Variants in KCNH8 observed in about 807,000 individuals in gnomAD.
The protein encoded by KCNH8 is potassium voltage-gated channel subfamily H member 8.
In KCNH8, 70 loss-of-function variants were observed where a neutral mutation model predicts 103.6. The ratio of observed to expected loss-of-function variants is 0.68; its 90% CI spans 0.56 to 0.82. KCNH8 has a LOEUF of 0.82. KCNH8 is among the 40% of genes least tolerant of loss of function. The pLI is 0.00. For missense variants in KCNH8, 1,217 were observed against 1,329.9 expected (o/e 0.92, Z 1.32); for synonymous variants, 498 against 489.4 (o/e 1.02, Z -0.23).
chr3:19,202,083 TGA>T lies in KCNH8; in HGVS notation c.77-51569_77-51568del, dbSNP rs1054442023. 2.0e-5 allele frequency among the ~76,000 whole-genome samples: 3 copies of T among 152,228 alleles called. No homozygotes were observed. The East Asian group carries it at 5.8e-4, about 29-fold the overall frequency. On this transcript the variant is annotated intron_variant, in intron 1 of 15. Coordinates refer to ENST00000328405, the MANE Select transcript of KCNH8 (RefSeq NM_144633.3). ...AATGTATTTGCAGCACCAAATTCGT[TGA>T]GTTAGGAGAGTTGGGTTTAAAAATG...
chr3:19,328,635 A>G (rs1422039031), intron 3 of KCNH8, among the ~76,000 whole-genome samples: 1 of 152,174 alleles, frequency 6.6e-6, no homozygotes, highest in African/African-American at 2.4e-5. Flanking sequence ...AAAATATATA[A>G]ATAGAAAGTA....
At position 19,202,102 on chromosome 3, in the gene KCNH8, T is replaced by A. The variant is rs558302828; in HGVS notation, c.77-51552T>A. 2.6e-5 allele frequency among the ~76,000 whole-genome samples: 4 copies of A among 152,228 alleles called. No individual in the cohort carries two copies. The South Asian group carries it at 8.3e-4, about 32-fold the overall frequency. On this transcript the variant is annotated intron_variant, in intron 1 of 15. Coordinates refer to ENST00000328405, the MANE Select transcript of KCNH8 (RefSeq NM_144633.3). The stretch of plus-strand genomic sequence containing the variant: ...ATTCGTTGAGTTAGGAGAGTTGGGT[T>A]TAAAAATGTCCCTCTTAAGTTAGGG...
intron 11 of KCNH8, among the ~76,000 whole-genome samples, chr3:19,476,025 AAT>A (rs2067967384): frequency 6.6e-6 from 1 of 152,158 alleles, no homozygotes. Flanking sequence ...CTCACCTGAA[AAT>A]GACTATTTGG....
rs115151001 is a variant in KCNH8, at chr3:19,213,103, A to G, written c.77-40551A>G. On this transcript the variant is annotated intron_variant, in intron 1 of 15. Transcript: ENST00000328405. ...ATCATAGACTCCTTCTTTGCACCCA[A>G]TGTAGGAATCTCTACAGCATCCTTT... 2.2e-3 allele frequency among the ~76,000 whole-genome samples: 337 copies of G among 152,298 alleles called. 1 individual carries two copies. The highest frequency in any genetic ancestry group is 0.011 in the South Asian group (53 of 4,826).
rs755992231 is a variant in KCNH8 at position 19,513,341 on chromosome 3, A to G, written c.2435+16A>G. The G allele has an allele frequency of 1.9e-6, 3 of 1,562,682 alleles. No individual in the cohort carries two copies. Among genetic ancestry groups the G allele is most frequent in the Non-Finnish European group, 2.6e-6 (3 of 1,158,380 alleles). Reference sequence around the variant, plus strand: ...TCAGTCCAAGGTAAGAGTTCATATCATATAACTTTCTCACGTGAACGTGGC... The same window carrying G: ...TCAGTCCAAGGTAAGAGTTCATATCGTATAACTTTCTCACGTGAACGTGGC... On this transcript the variant is annotated intron_variant, in intron 13 of 15. Coordinates refer to ENST00000328405, the MANE Select transcript of KCNH8 (RefSeq NM_144633.3).
At chr3:19,428,886 C>T (rs1338406708) in intron 7 of KCNH8, among the ~76,000 whole-genome samples, 1 of 152,166 alleles carries the variant, frequency 6.6e-6, no homozygotes, top group East Asian at 1.9e-4. Context: ...TGTTTCTCTT[C>T]TGCATTTCGC....
intron 5 of KCNH8, among the ~76,000 whole-genome samples, chr3:19,377,411 T>C (rs571251532): frequency 3.5e-4 from 53 of 152,278 alleles, no homozygotes; most frequent in African/African-American, 1.3e-3. Flanking sequence ...TCTGAGATGA[T>C]TAAGAGTCCA....
intron 1 of KCNH8, among the ~76,000 whole-genome samples, chr3:19,227,734 G>A (rs1031894407): frequency 7.9e-5 from 12 of 152,136 alleles, no homozygotes; most frequent in African/African-American, 2.7e-4. Context: ...CCATGTGGTC[G>A]CAGCAATTGT....
chr3:19,493,151 T>C (rs1466623502), intron 11 of KCNH8, among the ~76,000 whole-genome samples: 2 of 152,140 alleles, frequency 1.3e-5, no homozygotes, highest in African/African-American at 2.4e-5. Flanking sequence ...TTTCTAGATA[T>C]ACAATAATAT....
intron 11 of KCNH8, among the ~76,000 whole-genome samples, chr3:19,494,604 T>C (rs999009011): frequency 6.6e-6 from 1 of 152,078 alleles, no homozygotes; most frequent in African/African-American, 2.4e-5. Flanking sequence ...GTCTTCTATT[T>C]ATGGCCATTT....
intron 3 of KCNH8, among the ~76,000 whole-genome samples, chr3:19,314,476 A>G (rs936836429): frequency 2.0e-5 from 3 of 151,966 alleles, no homozygotes; most frequent in Non-Finnish European, 2.9e-5. Context: ...AGGCTAAGGC[A>G]GTAGGATCAC....
At chr3:19,504,122 G>GATA (rs2125236334) in intron 11 of KCNH8, among the ~76,000 whole-genome samples, 1 of 152,140 alleles carries the variant, frequency 6.6e-6, no homozygotes, top group South Asian at 2.1e-4. Flanking sequence ...ATAGTTCTGG[G>GATA]ATAACTGGCT....
chr3:19,292,625 C>T (rs1186050474), intron 3 of KCNH8, among the ~76,000 whole-genome samples: 1 of 152,132 alleles, frequency 6.6e-6, no homozygotes, highest in Non-Finnish European at 1.5e-5. Context: ...ACTGCGCAGC[C>T]CGTGGTTAGG....
intron 5 of KCNH8, among the ~76,000 whole-genome samples, chr3:19,366,882 T>C (rs2066018930): frequency 6.6e-6 from 1 of 152,072 alleles, no homozygotes; most frequent in African/African-American, 2.4e-5. Flanking sequence ...TAAATATTTT[T>C]AGATGACAGA....
intron 11 of KCNH8, among the ~76,000 whole-genome samples, chr3:19,458,639 G>A (rs1444322325): frequency 6.6e-6 from 1 of 151,910 alleles, no homozygotes; most frequent in Non-Finnish European, 1.5e-5. Flanking sequence ...ATTTTCAAGT[G>A]TACAATACAT....
At chr3:19,523,479 T>C (rs551338498) in intron 15 of KCNH8, among the ~76,000 whole-genome samples, 12 of 152,090 alleles carry the variant, frequency 7.9e-5, no homozygotes, top group Admixed American at 7.2e-4. Context: ...TAAATTATAC[T>C]GAGGTAACAA....
At chr3:19,374,800 G>A (rs4425284) in intron 5 of KCNH8, among the ~76,000 whole-genome samples, 1 of 151,900 alleles carries the variant, frequency 6.6e-6, no homozygotes, top group Admixed American at 6.6e-5. Flanking sequence ...GGCAGGCCTG[G>A]TGGTGACAAA....
chr3:19,209,228 T>C (rs2063745951), intron 1 of KCNH8, among the ~76,000 whole-genome samples: 3 of 152,054 alleles, frequency 2.0e-5, no homozygotes, highest in Admixed American at 6.6e-5. Flanking sequence ...TTTAAAGCAT[T>C]ATGCATTTTT....
At position 19,342,615 on chromosome 3, in the gene KCNH8, G is replaced by C. The variant is rs745396153; in HGVS notation, c.471G>C (p.Gly157=). 16 of 1,610,564 alleles carry C rather than the reference G, an allele frequency of 9.9e-6. No individual in the cohort carries two copies. The East Asian group carries it at 3.1e-4, about 32-fold the overall frequency. The change falls in exon 4 of 16, where the codon GGG becomes GGC. Residue 157 remains glycine (G), a synonymous_variant. Coordinates refer to ENST00000328405, the MANE Select transcript of KCNH8 (RefSeq NM_144633.3). Reference sequence around the variant, plus strand: ...AAGTCAAAGGAAGATCAAGAGCAGGGACCCACTTTGACTCAGCCCGGAGAC... The same window carrying C: ...AAGTCAAAGGAAGATCAAGAGCAGGCACCCACTTTGACTCAGCCCGGAGAC... ...EDKVKGRSRA[G]THFDSARRRS...
Sources: gnomAD v4.1 joint callset for allele counts (sites outside exome capture counted in the v4.1 genomes callset) on GRCh38, gnomAD v4.1.1 for gene constraint, MANE v1.5 for transcripts, NCBI Gene and HGNC (gene_info 2026-07-23, HGNC 2026-07-21) for gene names.